Variants in LRRC4C observed in about 807,000 individuals in gnomAD.
LRRC4C encodes the protein leucine-rich repeat-containing protein 4C.
Under a neutral mutation model 33.6 loss-of-function variants are expected in LRRC4C, and 5 were observed. That is an observed-to-expected ratio of 0.15 (90% CI 0.08 to 0.31). The LOEUF is 0.31. LRRC4C is among the 10% of genes least tolerant of loss of function. The probability of loss-of-function intolerance (pLI) is 1.00; values close to 1 mark genes in which losing one functional copy is unlikely to be tolerated. For synonymous variants in LRRC4C, 329 were observed against 302.0 expected (o/e 1.09, Z -0.93); for missense variants, 560 against 796.7 (o/e 0.70, Z 3.58).
chr11:40,458,432 A>C (rs936965572), intron 3 of LRRC4C, among the ~76,000 whole-genome samples: 2 of 152,194 alleles, frequency 1.3e-5, no homozygotes, highest in African/African-American at 4.8e-5. Flanking sequence ...ACCATCAAGT[A>C]ATTCATAATT....
chr11:40,706,265 T>C (rs922338998), intron 2 of LRRC4C, among the ~76,000 whole-genome samples: 2 of 152,226 alleles, frequency 1.3e-5, no homozygotes, highest in Admixed American at 1.3e-4. Flanking sequence ...TTTGGTGTTA[T>C]AGTCATGAAG....
intron 1 of LRRC4C, among the ~76,000 whole-genome samples, chr11:41,104,962 T>G (rs548788869): frequency 6.6e-6 from 1 of 151,986 alleles, no homozygotes; most frequent in East Asian, 1.9e-4. Context: ...TGCAAATGGG[T>G]AAAAGGTTCC....
chr11:40,468,825 G>A (rs1015410203), intron 3 of LRRC4C, among the ~76,000 whole-genome samples: 3 of 152,126 alleles, frequency 2.0e-5, no homozygotes, highest in African/African-American at 7.2e-5. Context: ...TCAGTTGTTT[G>A]TTAGAGGCAT....
At chr11:40,388,532 T>C (rs970506653) in intron 3 of LRRC4C, among the ~76,000 whole-genome samples, 4 of 152,170 alleles carry the variant, frequency 2.6e-5, no homozygotes, top group African/African-American at 9.7e-5. Context: ...CTAAACATCT[T>C]GTGGAGAAAA....
At chr11:40,258,012 T>C (rs542223937) in intron 4 of LRRC4C, among the ~76,000 whole-genome samples, 7 of 152,334 alleles carry the variant, frequency 4.6e-5, no homozygotes, top group African/African-American at 1.2e-4. Flanking sequence ...GGATTACTCT[T>C]CGAAATTTCT....
At chr11:40,125,143 G>A (rs1856118737) in intron 6 of LRRC4C, among the ~76,000 whole-genome samples, 1 of 152,224 alleles carries the variant, frequency 6.6e-6, no homozygotes, top group South Asian at 2.1e-4. Flanking sequence ...AGACTAATGA[G>A]GTCTGAACAT....
chr11:40,218,520 C>T (rs926441979), intron 5 of LRRC4C, among the ~76,000 whole-genome samples: 1 of 151,874 alleles, frequency 6.6e-6, no homozygotes, highest in African/African-American at 2.4e-5. Context: ...CAACAAAGAT[C>T]GTCAGAGGAA....
At chr11:40,997,007 G>T (rs1040660086) in intron 1 of LRRC4C, among the ~76,000 whole-genome samples, 2 of 152,074 alleles carry the variant, frequency 1.3e-5, no homozygotes, top group Non-Finnish European at 1.5e-5. Flanking sequence ...GGGGTATAAA[G>T]TTCGGTGTTA....
intron 5 of LRRC4C, among the ~76,000 whole-genome samples, chr11:40,240,774 ATGAG>A (rs1865878107): frequency 6.6e-6 from 1 of 152,106 alleles, no homozygotes; most frequent in Non-Finnish European, 1.5e-5. Context: ...ATTTTTAGTA[ATGAG>A]TAACACAATA....
chr11:40,648,768 A>T (rs1332455892), intron 2 of LRRC4C, among the ~76,000 whole-genome samples: 1 of 152,286 alleles, frequency 6.6e-6, no homozygotes, highest in East Asian at 1.9e-4. Context: ...TTCAAATTGT[A>T]ATCGGGAGAA....
chr11:40,920,472 A>C (rs561488527), intron 2 of LRRC4C, among the ~76,000 whole-genome samples: 2 of 152,024 alleles, frequency 1.3e-5, no homozygotes, highest in Non-Finnish European at 2.9e-5. Context: ...TTGGTTACAC[A>C]CTCCCTTACA....
At chr11:40,710,466 T>A (rs1441670856) in intron 2 of LRRC4C, among the ~76,000 whole-genome samples, 2 of 151,574 alleles carry the variant, frequency 1.3e-5, no homozygotes, top group Non-Finnish European at 2.9e-5. Context: ...TGCAGGTCTG[T>A]CGGAGTTTGC....
intron 3 of LRRC4C, among the ~76,000 whole-genome samples, chr11:40,367,400 G>T (rs1172605804): frequency 1.3e-5 from 2 of 152,024 alleles, no homozygotes; most frequent in Admixed American, 6.6e-5. Context: ...GATTACACAA[G>T]AAAAAGGTCC....
rs778618641 is a variant in LRRC4C at position 40,115,116 on chromosome 11, C to T, written c.1177G>A (p.Val393Ile). The T allele has an allele frequency of 3.7e-6, 6 of 1,614,120 alleles. No homozygotes were observed. Among genetic ancestry groups the T allele is most frequent in the South Asian group, 1.1e-5 (1 of 91,090 alleles). The stretch of plus-strand genomic sequence containing the variant: ...ACTTTGTACGCCCCATGTGTCATGA[C>T]TGTTCCATTTGGAGTAATCCAAGAT... ...SVSWITPNGT[V>I]MTHGAYKVRI... The change falls in exon 7 of 7, where the codon GTC becomes ATC. Residue 393 changes from valine to isoleucine, a missense_variant. Val to Ile is a conservative substitution (Grantham distance 29). This residue lies in a region of LRRC4C where 455 missense variants were observed against 643.8 expected (regional missense o/e 0.71). Coordinates refer to ENST00000528697, the MANE Select transcript of LRRC4C (RefSeq NM_001258419.2). This position sits in a 1 kb window ranked among gnomAD's most constrained non-coding sequence, Gnocchi z 6.7.
At chr11:41,110,098 A>G (rs972130850) in intron 1 of LRRC4C, among the ~76,000 whole-genome samples, 8 of 152,056 alleles carry the variant, frequency 5.3e-5, no homozygotes, top group Non-Finnish European at 1.2e-4. Context: ...AGAAATATCT[A>G]CAACTACTCT....
intron 3 of LRRC4C, among the ~76,000 whole-genome samples, chr11:40,477,284 A>C (rs1280888711): frequency 6.6e-6 from 1 of 151,788 alleles, no homozygotes; most frequent in Non-Finnish European, 1.5e-5. Flanking sequence ...AAATGGTGCT[A>C]CTGAGTTTGA....
intron 3 of LRRC4C, among the ~76,000 whole-genome samples, chr11:40,593,486 G>A (rs558725809): frequency 4.6e-5 from 7 of 152,030 alleles, no homozygotes; most frequent in Non-Finnish European, 7.4e-5. Flanking sequence ...ATACATATAC[G>A]TGCACAACAC....
intron 3 of LRRC4C, among the ~76,000 whole-genome samples, chr11:40,457,096 T>TAAAAAAGACAAAAA: frequency 8.0e-6 from 1 of 125,078 alleles, no homozygotes; most frequent in South Asian, 2.4e-4. Flanking sequence ...GTGTATTTCT[T>TAAAAAAGACAAAAA]AAAAAAGAAA....
chr11:40,645,458 C>T (rs1407779098), intron 3 of LRRC4C, among the ~76,000 whole-genome samples: 1 of 152,066 alleles, frequency 6.6e-6, no homozygotes, highest in Non-Finnish European at 1.5e-5. Flanking sequence ...CCCTGTTTGC[C>T]AATACAGGGA....
Sources: gnomAD v4.1 joint callset for allele counts (sites outside exome capture counted in the v4.1 genomes callset) on GRCh38, gnomAD v4.1.1 for gene constraint, gnomAD v4.1.1 regional missense constraint, Gnocchi (gnomAD v3.1) non-coding constraint, MANE v1.5 for transcripts, NCBI Gene and HGNC (gene_info 2026-07-23, HGNC 2026-07-21) for gene names.